Variants in ZNF732 observed in about 807,000 individuals in gnomAD.
The protein encoded by ZNF732 is zinc finger protein 732.
ZNF732 carries 12 observed loss-of-function variants against 11.5 expected under a neutral mutation model. That is an observed-to-expected ratio of 1.05 (90% confidence interval 0.67 to 1.70). The LOEUF is 1.70. Ranked by LOEUF, ZNF732 falls within the 40% of genes most tolerant of loss-of-function variation. The pLI, the probability that ZNF732 is intolerant of heterozygous loss-of-function variation, is 0.00. For synonymous variants in ZNF732, 231 were observed against 236.5 expected, an observed-to-expected ratio of 0.98 and a Z score of 0.21; for missense variants, 702 against 676.9, an observed-to-expected ratio of 1.04 and a Z score of -0.41.
chr4:289,265 A>G (rs1363022921), intron 3 of ZNF732, among the ~76,000 whole-genome samples: 4 of 152,134 alleles, frequency 2.6e-5, no homozygotes, highest in Admixed American at 2.0e-4. Context: ...GGAATTAGAC[A>G]CTCTACCTGC....
intron 1 of ZNF732, among the ~76,000 whole-genome samples, chr4:297,551 A>G (rs943713065): frequency 6.6e-6 from 1 of 150,736 alleles, no homozygotes; most frequent in Admixed American, 6.6e-5. Context: ...AAAGAAACAA[A>G]GGATGTATTA....
chr4:273,280 A>G (rs1282042828), intron 3 of ZNF732, among the ~76,000 whole-genome samples: 4 of 152,098 alleles, frequency 2.6e-5, no homozygotes, highest in African/African-American at 7.2e-5. Context: ...AGAGGTTACT[A>G]TAATCCGTAT....
intron 1 of ZNF732, among the ~76,000 whole-genome samples, 170 bp downstream of exon 1, chr4:305,138 G>C (rs1421669904): frequency 2.0e-5 from 3 of 152,194 alleles, no homozygotes; most frequent in Admixed American, 6.5e-5. Context: ...GGCCAAAGCC[G>C]CCTTGCGGGG....
chr4:276,172 T>A (rs959932716), intron 3 of ZNF732, among the ~76,000 whole-genome samples: 3 of 151,714 alleles, frequency 2.0e-5, no homozygotes, highest in African/African-American at 7.2e-5. Context: ...CAATGACTAC[T>A]CACCTAGGCA....
intron 1 of ZNF732, among the ~76,000 whole-genome samples, chr4:299,976 T>G (rs1720080362): frequency 6.7e-6 from 1 of 149,484 alleles, no homozygotes; most frequent in Admixed American, 6.7e-5. Flanking sequence ...AGTGCTAGGA[T>G]TACAGGCGTG....
intron 1 of ZNF732, among the ~76,000 whole-genome samples, chr4:303,276 C>T (rs1720154659): frequency 6.6e-6 from 1 of 152,206 alleles, no homozygotes; most frequent in South Asian, 2.1e-4. Context: ...AATCTAGCCC[C>T]TTCTTCGGGC....
chr4:274,581 T>C (rs752174869), intron 3 of ZNF732, among the ~76,000 whole-genome samples: 2 of 151,626 alleles, frequency 1.3e-5, no homozygotes, highest in Admixed American at 6.6e-5. Context: ...AATAAGGGGA[T>C]TGACTGCAAA....
At chr4:293,261 T>TA (rs1553841646) in intron 3 of ZNF732, among the ~76,000 whole-genome samples, 11 of 144,998 alleles carry the variant, frequency 7.6e-5, no homozygotes, top group African/African-American at 2.8e-4. Flanking sequence ...TATATACACA[T>TA]ATATATGTAT....
intron 3 of ZNF732, among the ~76,000 whole-genome samples, chr4:289,192 C>T (rs561784589): frequency 5.8e-4 from 88 of 152,332 alleles, no homozygotes; most frequent in African/African-American, 2.1e-3. Flanking sequence ...AACTGCAGAA[C>T]TCCTCATTGG....
intron 3 of ZNF732, among the ~76,000 whole-genome samples, chr4:292,890 CAAAAAAA>C (rs34118991): frequency 1.0e-4 from 8 of 79,408 alleles, no homozygotes; most frequent in South Asian, 6.0e-4. Context: ...ACTAAAAACA[CAAAAAAA>C]AAAAAAAAAA....
At chr4:302,754 A>G (rs1720142750) in intron 1 of ZNF732, among the ~76,000 whole-genome samples, 1 of 152,266 alleles carries the variant, frequency 6.6e-6, no homozygotes, top group Admixed American at 6.5e-5. Context: ...CAGAGAAAAT[A>G]CTTAAATATA....
At chr4:273,006 C>A (rs1719421824) in intron 3 of ZNF732, among the ~76,000 whole-genome samples, 1 of 152,022 alleles carries the variant, frequency 6.6e-6, no homozygotes, top group Non-Finnish European at 1.5e-5. Context: ...GACACGTATC[C>A]TTACTTCTGG....
In ZNF732 at chr4:270,892, T is replaced by A; in HGVS notation, c.*207A>T. Reference sequence around the variant, plus strand: ...ATCAATTTTCTTATGTTGATTCAGGTATGCGGACTGTTTGAAGGCTTTCCC... The same window carrying A: ...ATCAATTTTCTTATGTTGATTCAGGAATGCGGACTGTTTGAAGGCTTTCCC... On this transcript the variant is annotated 3_prime_UTR_variant, in exon 4 of 4. Transcript: ENST00000419098. 1.4e-6 allele frequency: 1 copy of A among 713,812 alleles called. No individual in the cohort carries two copies. The highest frequency in any genetic ancestry group is 2.6e-6 in the Non-Finnish European group (1 of 392,148). 44.2% of individuals were successfully genotyped at this position (713,812 alleles called of 1,614,324 possible).
At chr4:303,035 T>C (rs950928117) in intron 1 of ZNF732, among the ~76,000 whole-genome samples, 1 of 152,112 alleles carries the variant, frequency 6.6e-6, no homozygotes, top group Non-Finnish European at 1.5e-5. Context: ...AGAATGCAAT[T>C]AACTGATAAA....
At chr4:276,439 GTA>G (rs1719498457) in intron 3 of ZNF732, among the ~76,000 whole-genome samples, 1 of 151,760 alleles carries the variant, frequency 6.6e-6, no homozygotes, top group Admixed American at 6.6e-5. Flanking sequence ...TTCCTATTCA[GTA>G]TGATTTCAGC....
chr4:301,503 C>T (rs1016476239), intron 1 of ZNF732, among the ~76,000 whole-genome samples: 5 of 152,194 alleles, frequency 3.3e-5, no homozygotes, highest in Admixed American at 3.3e-4. Context: ...ATTAAGAAAA[C>T]GTGGCACATA....
chr4:282,912 A>T (rs1430826384), intron 3 of ZNF732, among the ~76,000 whole-genome samples: 1 of 152,220 alleles, frequency 6.6e-6, no homozygotes, highest in Non-Finnish European at 1.5e-5. Context: ...ATGGTTAGAA[A>T]ACAATGAACA....
At chr4:299,514 C>CACATGTGT (rs1720061709) in intron 1 of ZNF732, among the ~76,000 whole-genome samples, 1 of 95,486 alleles carries the variant, frequency 1.0e-5, no homozygotes, top group Admixed American at 1.1e-4. Flanking sequence ...CACACATATA[C>CACATGTGT]GTATATATGT....
chr4:278,381 C>T (rs1443333674), intron 3 of ZNF732, among the ~76,000 whole-genome samples: 1 of 152,126 alleles, frequency 6.6e-6, no homozygotes, highest in South Asian at 2.1e-4. Context: ...ACACAAATGT[C>T]CCTTTAGAGA....
Sources: gnomAD v4.1 joint callset for allele counts (sites outside exome capture counted in the v4.1 genomes callset) on GRCh38, gnomAD v4.1.1 for gene constraint, MANE v1.5 for transcripts, NCBI Gene and HGNC (gene_info 2026-07-23, HGNC 2026-07-21) for gene names.